Variants in SGCZ observed in about 807,000 individuals in gnomAD.
The protein encoded by SGCZ is zeta-sarcoglycan.
SGCZ carries 40 observed loss-of-function variants against 41.3 expected under a neutral mutation model. That is an observed-to-expected ratio of 0.97 (90% CI 0.75 to 1.26). The LOEUF (loss-of-function observed/expected upper bound fraction) is 1.26, where lower values mean the gene tolerates loss of function less well. Ranked by LOEUF, SGCZ falls within the 50% of genes most tolerant of loss-of-function variation. SGCZ has a pLI of 0.00. For synonymous variants in SGCZ, 206 were observed against 137.5 expected, an observed-to-expected ratio of 1.50 and a Z score of -3.49; for missense variants, 552 against 369.8, an observed-to-expected ratio of 1.49 and a Z score of -4.04.
At chr8:15,091,241 C>A (rs1585553035) in intron 1 of SGCZ, among the ~76,000 whole-genome samples, 3 of 152,182 alleles carry the variant, frequency 2.0e-5, no homozygotes, top group African/African-American at 7.2e-5. Flanking sequence ...GGCTGGCCTG[C>A]AACTCTGGGC....
intron 3 of SGCZ, among the ~76,000 whole-genome samples, chr8:14,285,559 A>G (rs1016611908): frequency 7.1e-6 from 1 of 140,062 alleles, no homozygotes; most frequent in Non-Finnish European, 1.5e-5. Context: ...AATAGGTCCT[A>G]TCTAAAGTGT....
intron 1 of SGCZ, among the ~76,000 whole-genome samples, chr8:14,632,370 G>A (rs1385417163): frequency 2.6e-5 from 4 of 151,968 alleles, no homozygotes; most frequent in Non-Finnish European, 4.4e-5. Flanking sequence ...ATTAAAATAT[G>A]TGGATGAATC....
chr8:14,898,155 G>A lies in SGCZ; in HGVS notation c.39+339430C>T, dbSNP rs141101741. Among the ~76,000 whole-genome samples the A allele has an allele frequency of 2.5e-3, 372 of 151,172 alleles. 3 individuals are homozygous for A. The highest frequency in any genetic ancestry group is 8.8e-3 in the African/African-American group (361 of 41,216). ...TTGCAGAGACAGGTCTCATTACATT[G>A]CCCAGGCTGGTCTCAAACTCCTGTA... On this transcript the variant is annotated intron_variant, in intron 1 of 7. Coordinates refer to ENST00000382080, the MANE Select transcript of SGCZ (RefSeq NM_139167.4).
intron 1 of SGCZ, among the ~76,000 whole-genome samples, chr8:14,905,379 C>T (rs950764205): frequency 6.6e-6 from 1 of 151,948 alleles, no homozygotes; most frequent in African/African-American, 2.4e-5. Flanking sequence ...AAAACTACGA[C>T]ATGACATCAC....
chr8:14,550,204 G>A (rs145872595), intron 2 of SGCZ, among the ~76,000 whole-genome samples: 124 of 151,952 alleles, frequency 8.2e-4, no homozygotes, highest in South Asian at 6.4e-3. Context: ...TCAGTGAAAT[G>A]TATAGCAGTA....
In SGCZ at chr8:14,152,374, G is replaced by A. The variant is rs1803736922; in HGVS notation, c.547+12206C>T. Among the ~76,000 whole-genome samples the A allele has an allele frequency of 4.6e-5, 7 of 152,140 alleles. No homozygotes were observed. The South Asian group carries it at 1.2e-3, about 27-fold the overall frequency. ...GCTATTAAGGAAATGCAAACTAAAA[G>A]CACAATGAGTTAGGCAAGGTGACAA... On this transcript the variant is annotated intron_variant, in intron 5 of 7. Transcript: ENST00000382080.
At chr8:14,496,304 T>C (rs931365627) in intron 2 of SGCZ, among the ~76,000 whole-genome samples, 1 of 152,090 alleles carries the variant, frequency 6.6e-6, no homozygotes, top group East Asian at 1.9e-4. Context: ...CTTGGCTTCT[T>C]GTATTCTTTC....
At chr8:14,944,682 C>A (rs1474349440) in intron 1 of SGCZ, among the ~76,000 whole-genome samples, 1 of 152,082 alleles carries the variant, frequency 6.6e-6, no homozygotes, top group African/African-American at 2.4e-5. Flanking sequence ...TGTACATGGG[C>A]TCTTTAACAC....
chr8:14,659,463 A>G (rs570521890), intron 1 of SGCZ, among the ~76,000 whole-genome samples: 4 of 152,176 alleles, frequency 2.6e-5, no homozygotes, highest in Non-Finnish European at 5.9e-5. Context: ...GTATGATACA[A>G]CAACACGATC....
rs944294635 is a variant in SGCZ, at chr8:14,860,788, G to A, written c.40-305862C>T. Among the ~76,000 whole-genome samples, 9 of 152,084 alleles carry A rather than the reference G, an allele frequency of 5.9e-5. No individual in the cohort carries two copies. The East Asian group carries it at 1.5e-3, about 26-fold the overall frequency. ...GGAGGGAAGAAACTCTCTCTACCAA[G>A]AACAGCTTCATGGGCTGTGACCAAC... is the stretch of plus-strand genomic sequence containing the variant. On this transcript the variant is annotated intron_variant, in intron 1 of 7. Coordinates refer to ENST00000382080, the MANE Select transcript of SGCZ (RefSeq NM_139167.4).
chr8:14,344,679 G>A (rs1802830501), intron 2 of SGCZ, among the ~76,000 whole-genome samples: 1 of 152,062 alleles, frequency 6.6e-6, no homozygotes, highest in South Asian at 2.1e-4. Context: ...GAAAATGTAA[G>A]TAATGCACAG....
chr8:14,644,289 T>C (rs958217582), intron 1 of SGCZ, among the ~76,000 whole-genome samples: 1 of 151,680 alleles, frequency 6.6e-6, no homozygotes, highest in Non-Finnish European at 1.5e-5. Flanking sequence ...GTACAATCAG[T>C]TGAAGGCCTT....
At chr8:14,211,743 C>G (rs548673704) in intron 4 of SGCZ, among the ~76,000 whole-genome samples, 4 of 151,490 alleles carry the variant, frequency 2.6e-5, no homozygotes, top group African/African-American at 9.7e-5. Context: ...ACAAGAACAG[C>G]CGGGGGAAAT....
intron 2 of SGCZ, among the ~76,000 whole-genome samples, chr8:14,395,526 T>C (rs943261778): frequency 6.6e-6 from 1 of 152,050 alleles, no homozygotes; most frequent in Non-Finnish European, 1.5e-5. Context: ...AAGGTCCAAA[T>C]GGACTAGGTG....
chr8:14,620,481 CT>C (rs1232759492), intron 1 of SGCZ, among the ~76,000 whole-genome samples: 1 of 152,052 alleles, frequency 6.6e-6, no homozygotes, highest in East Asian at 1.9e-4. Context: ...GCAAAAGAAA[CT>C]ACCATCAGAG....
intron 3 of SGCZ, among the ~76,000 whole-genome samples, chr8:14,251,407 G>C (rs934425493): frequency 6.6e-6 from 1 of 152,102 alleles, no homozygotes; most frequent in Non-Finnish European, 1.5e-5. Context: ...ATTATGCTTT[G>C]TGGGCTATGC....
intron 2 of SGCZ, among the ~76,000 whole-genome samples, chr8:14,380,368 T>A (rs1417458192): frequency 6.6e-6 from 1 of 152,234 alleles, no homozygotes. Context: ...TAGTGTTGAA[T>A]GTCATAGATA....
At chr8:15,035,790 T>C (rs1340056845) in intron 1 of SGCZ, among the ~76,000 whole-genome samples, 1 of 152,118 alleles carries the variant, frequency 6.6e-6, no homozygotes, top group Admixed American at 6.5e-5. Context: ...AATATAACAA[T>C]TATTAATATA....
chr8:14,253,207 CTAAAAATATG>C (rs1799344431), intron 3 of SGCZ, among the ~76,000 whole-genome samples: 1 of 17,520 alleles, frequency 5.7e-5, no homozygotes, highest in African/African-American at 3.2e-4. Context: ...TCATATGCTT[CTAAAAATATG>C]CTTCTAAAAA....
Sources: allele counts gnomAD v4.1 joint callset (sites outside exome capture counted in the v4.1 genomes callset), GRCh38; gene constraint gnomAD v4.1.1; transcripts MANE v1.5; gene names NCBI Gene and HGNC (gene_info 2026-07-23, HGNC 2026-07-21).